The following ETFA variants were observed in gnomAD, a reference collection of about 807,000 sequenced individuals.
ETFA encodes the protein electron transfer flavoprotein subunit alpha, mitochondrial.
ETFA carries 22 observed loss-of-function variants against 46.2 expected under a neutral mutation model. The ratio of observed to expected loss-of-function variants is 0.48; its 90% CI spans 0.34 to 0.68. The LOEUF (loss-of-function observed/expected upper bound fraction) is 0.68. ETFA is among the 30% of genes least tolerant of loss of function. ETFA has a pLI of 0.01. For synonymous variants in ETFA, 131 were observed against 139.9 expected (o/e 0.94, Z 0.45); for missense variants, 345 against 401.1 (o/e 0.86, Z 1.19).
chr15:76,259,407 T>G (rs892115448), intron 9 of ETFA: 1 of 1,312,922 alleles, frequency 7.6e-7, no homozygotes, highest in Non-Finnish European at 1.1e-6. Flanking sequence ...AAGGAGACCT[T>G]GGCTTGGATG....
At chr15:76,274,083 G>A (rs1329966518) in intron 9 of ETFA, 3 of 311,088 alleles carry the variant, frequency 9.6e-6, no homozygotes, top group Non-Finnish European at 1.8e-5. Context: ...AAGGCTTTAT[G>A]GAAATAAATC....
At chr15:76,247,721 T>C (rs1341759135) in intron 9 of ETFA, among the ~76,000 whole-genome samples, 2 of 152,218 alleles carry the variant, frequency 1.3e-5, no homozygotes, top group African/African-American at 2.4e-5. Context: ...GTAGAAGAAA[T>C]AACTGATACT....
chr15:76,242,429 C>T (rs970670696), intron 9 of ETFA, among the ~76,000 whole-genome samples: 1 of 152,152 alleles, frequency 6.6e-6, no homozygotes, highest in African/African-American at 2.4e-5. Context: ...TTAATCATAA[C>T]TTCTATGTCA....
chr15:76,309,666 C>A (rs2039970697), intron 1 of ETFA, among the ~76,000 whole-genome samples: 1 of 152,138 alleles, frequency 6.6e-6, no homozygotes, highest in African/African-American at 2.4e-5. Context: ...TAAATTCCAT[C>A]CCCCACCACA....
At chr15:76,287,243 A>C (rs1429495063) in intron 5 of ETFA, among the ~76,000 whole-genome samples, 1 of 152,168 alleles carries the variant, frequency 6.6e-6, no homozygotes, top group African/African-American at 2.4e-5. Context: ...AACTCACCAT[A>C]GCCTCGACCT....
At chr15:76,269,409 C>T (rs1025458333) in intron 9 of ETFA, among the ~76,000 whole-genome samples, 2 of 152,118 alleles carry the variant, frequency 1.3e-5, no homozygotes, top group Admixed American at 6.6e-5. Context: ...CTCAAGTAGC[C>T]ATACGTTTCA....
At chr15:76,227,530 G>GAAAAAAAAAA (rs1567196426) in intron 10 of ETFA, among the ~76,000 whole-genome samples, 79 of 44,980 alleles carry the variant, frequency 1.8e-3, no homozygotes, top group East Asian at 3.2e-3. Context: ...AAAAAAAAAG[G>GAAAAAAAAAA]AAAAGCTATC....
intron 9 of ETFA, among the ~76,000 whole-genome samples, chr15:76,246,318 G>A (rs1393456225): frequency 6.6e-6 from 1 of 152,176 alleles, no homozygotes; most frequent in Non-Finnish European, 1.5e-5. Flanking sequence ...AACACCAAGG[G>A]CTGAATCCTG....
chr15:76,223,351 G>A (rs1248760210), intron 11 of ETFA, among the ~76,000 whole-genome samples: 2 of 151,042 alleles, frequency 1.3e-5, no homozygotes, highest in Admixed American at 1.3e-4. Context: ...TCAAGTAGCT[G>A]GGATTACAGG....
chr15:76,295,783 AG>A (rs770568628), intron 1 of ETFA, 46 bp from the exon 2 acceptor site: 6 of 1,407,266 alleles, frequency 4.3e-6, no homozygotes, highest in South Asian at 1.3e-5. Context: ...ATGTTGTCAC[AG>A]GGTTTTTTTT....
intron 9 of ETFA, among the ~76,000 whole-genome samples, chr15:76,267,490 T>C (rs1446207383): frequency 1.3e-5 from 2 of 152,180 alleles, no homozygotes; most frequent in African/African-American, 2.4e-5. Context: ...ATTTCTATAA[T>C]TAACATCCTA....
At chr15:76,291,896 C>T (rs1489286276) in intron 4 of ETFA, among the ~76,000 whole-genome samples, 1 of 151,952 alleles carries the variant, frequency 6.6e-6, no homozygotes. Flanking sequence ...TCCCATTACA[C>T]TCCTCCCTCC....
intron 9 of ETFA, among the ~76,000 whole-genome samples, chr15:76,267,781 G>A (rs1019488896): frequency 3.9e-5 from 6 of 152,148 alleles, no homozygotes; most frequent in African/African-American, 1.4e-4. Flanking sequence ...ACAACTGACA[G>A]GACAAAAGGA....
At chr15:76,262,752 G>C (rs1391060272) in intron 9 of ETFA, among the ~76,000 whole-genome samples, 2 of 151,988 alleles carry the variant, frequency 1.3e-5, no homozygotes, top group African/African-American at 2.4e-5. Flanking sequence ...AAAGTGCTGG[G>C]TTACAGGCAT....
At chr15:76,236,216 T>C (rs911092042) in intron 9 of ETFA, among the ~76,000 whole-genome samples, 3 of 152,252 alleles carry the variant, frequency 2.0e-5, no homozygotes, top group East Asian at 1.9e-4. Context: ...CTCTGCTACA[T>C]TGCATTTTCG....
chr15:76,247,339 C>T (rs1438594833), intron 9 of ETFA, among the ~76,000 whole-genome samples: 1 of 152,162 alleles, frequency 6.6e-6, no homozygotes. Context: ...ATTCTATAAC[C>T]ACGAGCAAAA....
At chr15:76,274,632 T>C in intron 8 of ETFA, 138 bp from the exon 9 acceptor site, 1 of 761,372 alleles carries the variant, frequency 1.3e-6, no homozygotes, top group Non-Finnish European at 2.3e-6. Flanking sequence ...CTTCAAGGAA[T>C]AACTTCTTTT....
intron 9 of ETFA, chr15:76,274,198 A>G: frequency 1.8e-6 from 1 of 558,368 alleles, no homozygotes; most frequent in Non-Finnish European, 3.2e-6. Flanking sequence ...ACTGCTTTAA[A>G]ATACTTGAAT....
At chr15:76,265,616 G>A (rs2039463075) in intron 9 of ETFA, among the ~76,000 whole-genome samples, 1 of 152,192 alleles carries the variant, frequency 6.6e-6, no homozygotes, top group South Asian at 2.1e-4. Context: ...TGCCTCAGAA[G>A]TTTTTCAAGT....
Sources: allele counts gnomAD v4.1 joint callset (sites outside exome capture counted in the v4.1 genomes callset), GRCh38; gene constraint gnomAD v4.1.1; transcripts MANE v1.5; gene names NCBI Gene and HGNC (gene_info 2026-07-23, HGNC 2026-07-21).